Variants in RSF1 observed in about 807,000 individuals in gnomAD.
RSF1 encodes the protein HBV pX-associated protein 8.
In RSF1, 13 loss-of-function variants were observed where a neutral mutation model predicts 145.2. The observed-to-expected ratio is 0.09, with a 90% CI of 0.06 to 0.14. The LOEUF (loss-of-function observed/expected upper bound fraction) is 0.14. Among genes scored for constraint, RSF1 ranks in the 10% least tolerant of loss-of-function variants. The pLI is 1.00. For synonymous variants in RSF1, 577 were observed against 592.6 expected (o/e 0.97, Z 0.38); for missense variants, 1,517 against 1,718.2 (o/e 0.88, Z 2.07).
intron 5 of RSF1, among the ~76,000 whole-genome samples, chr11:77,712,708 T>C (rs1960716182): frequency 6.6e-6 from 1 of 152,260 alleles, no homozygotes; most frequent in African/African-American, 2.4e-5. Context: ...TACATCTACA[T>C]GTTTTAACTT....
chr11:77,670,810 C>G (rs911128826), intron 15 of RSF1, among the ~76,000 whole-genome samples: 2 of 151,672 alleles, frequency 1.3e-5, no homozygotes, highest in East Asian at 3.9e-4. Flanking sequence ...AAACAATCTT[C>G]AAAACAGGCC....
chr11:77,701,005 G>C lies in RSF1; in HGVS notation c.2224C>G (p.Arg742Gly). 6.2e-7 allele frequency: 1 copy of C among 1,613,428 alleles called. No individual in the cohort carries two copies. The highest frequency in any genetic ancestry group is 8.5e-7 in the Non-Finnish European group (1 of 1,179,990). Reference sequence around the variant, plus strand: ...GGGGGAGAATCGGGCTTCTTTTTCCGACTTGATATCCTGATTGTTAATTTG... The same window carrying C: ...GGGGGAGAATCGGGCTTCTTTTTCCCACTTGATATCCTGATTGTTAATTTG... ...GIKLTIRISS[R>G]KKKPDSPPKV... The change falls in exon 6 of 16, where the codon CGG becomes GGG. Residue 742 changes from arginine (R) to glycine (G), a missense_variant. By Grantham distance (125) the Arg-to-Gly change is moderately radical (BLOSUM62 -2). Transcript: ENST00000308488.
intron 6 of RSF1, among the ~76,000 whole-genome samples, chr11:77,699,243 C>T (rs960327231): frequency 2.0e-5 from 3 of 151,920 alleles, no homozygotes; most frequent in African/African-American, 7.3e-5. Flanking sequence ...TTTAAATAAG[C>T]CAGAACTGCA....
intron 7 of RSF1, among the ~76,000 whole-genome samples, chr11:77,695,909 G>C (rs528503169): frequency 6.6e-6 from 1 of 152,162 alleles, no homozygotes; most frequent in Admixed American, 6.5e-5. Context: ...GTTCATCATG[G>C]CTCCTATTAT....
In RSF1 at chr11:77,716,858, T is replaced by C. The variant is rs542849888; in HGVS notation, c.733+8687A>G. 2.0e-5 allele frequency among the ~76,000 whole-genome samples: 3 copies of C among 152,276 alleles called. No homozygotes were observed. In the East Asian group the frequency reaches 5.8e-4, roughly 29 times the overall value. ...AGTTTTAGACATTTCACCATAAATA[T>C]ATACAACTTTTCTTTGTCAATTAAA... On this transcript the variant is annotated intron_variant, in intron 5 of 15. Transcript: ENST00000308488.
chr11:77,748,516 G>A (rs1057487716), intron 2 of RSF1, among the ~76,000 whole-genome samples: 4 of 151,920 alleles, frequency 2.6e-5, no homozygotes, highest in African/African-American at 9.7e-5. Context: ...CTGGCTGACA[G>A]TGTTACGTTT....
chr11:77,713,950 G>A (rs1960747050), intron 5 of RSF1, among the ~76,000 whole-genome samples: 1 of 152,062 alleles, frequency 6.6e-6, no homozygotes, highest in Non-Finnish European at 1.5e-5. Flanking sequence ...CCTTTTAGTT[G>A]TCTGGTTTTA....
intron 4 of RSF1, among the ~76,000 whole-genome samples, chr11:77,727,413 A>G (rs1961080546): frequency 6.6e-6 from 1 of 151,970 alleles, no homozygotes; most frequent in Non-Finnish European, 1.5e-5. Flanking sequence ...AATTTTAAAA[A>G]GCTTCAAAAC....
intron 10 of RSF1, among the ~76,000 whole-genome samples, chr11:77,684,817 G>A (rs1346200639): frequency 6.6e-6 from 1 of 151,866 alleles, no homozygotes; most frequent in Non-Finnish European, 1.5e-5. Flanking sequence ...GTGAAACCCC[G>A]TCTGTACTAA....
chr11:77,830,417 C>T, the RSF1 span, among the ~76,000 whole-genome samples: 1 of 152,052 alleles, frequency 6.6e-6, no homozygotes, highest in Non-Finnish European at 1.5e-5. Flanking sequence ...AAATCTAGCG[C>T]CTATTGTTTG....
intron 1 of RSF1, among the ~76,000 whole-genome samples, chr11:77,774,267 G>A (rs1326691527): frequency 5.9e-5 from 9 of 152,182 alleles, no homozygotes; most frequent in Admixed American, 5.9e-4. Context: ...AACAGGGAGA[G>A]GGGGAGTAAG....
chr11:77,821,536 G>A (rs1265697852), upstream of RSF1, among the ~76,000 whole-genome samples: 1 of 152,156 alleles, frequency 6.6e-6, no homozygotes, highest in African/African-American at 2.4e-5. Context: ...GGAGTGAGGA[G>A]TTGGGGCCCT....
intron 1 of RSF1, among the ~76,000 whole-genome samples, chr11:77,805,307 A>G (rs1319904215): frequency 6.6e-6 from 1 of 152,026 alleles, no homozygotes; most frequent in Non-Finnish European, 1.5e-5. Flanking sequence ...TGTCTCTACT[A>G]AAATACAAAA....
At chr11:77,762,655 A>C (rs1162016716) in intron 2 of RSF1, 1 of 152,176 alleles carries the variant, frequency 6.6e-6, no homozygotes, top group African/African-American at 2.4e-5. Flanking sequence ...GCCAATGCTG[A>C]CTGATTTGTG....
chr11:77,715,475 T>A (rs569377644), intron 5 of RSF1, among the ~76,000 whole-genome samples: 1 of 152,138 alleles, frequency 6.6e-6, no homozygotes, highest in Non-Finnish European at 1.5e-5. Context: ...TGAGAGGGAG[T>A]TGCACTCTGT....
chr11:77,870,683 AT>A, the RSF1 span, among the ~76,000 whole-genome samples: 2 of 152,062 alleles, frequency 1.3e-5, no homozygotes, highest in South Asian at 4.1e-4. Flanking sequence ...ATTGTAAAAG[AT>A]TTAAAAATTC....
the RSF1 span, among the ~76,000 whole-genome samples, chr11:77,868,243 G>A: frequency 2.6e-5 from 4 of 151,172 alleles, no homozygotes; most frequent in African/African-American, 9.7e-5. Flanking sequence ...GTTTAGTGGA[G>A]ACGGGGTTTC....
At chr11:77,815,704 A>G (rs181538122) in intron 1 of RSF1, among the ~76,000 whole-genome samples, 264 of 152,324 alleles carry the variant, frequency 1.7e-3, no homozygotes, top group Non-Finnish European at 2.9e-3. Context: ...ATTTCTTACT[A>G]GATTAGAAAT....
At chr11:77,842,471 A>G in the RSF1 span, 120 of 1,607,318 alleles carry the variant, frequency 7.5e-5, 3 homozygotes, top group South Asian at 1.3e-3. Flanking sequence ...TTTTTCTTTT[A>G]ATTTCAGACT....
Sources: allele counts gnomAD v4.1 joint callset (sites outside exome capture counted in the v4.1 genomes callset), GRCh38; gene constraint gnomAD v4.1.1; transcripts MANE v1.5; gene names NCBI Gene and HGNC (gene_info 2026-07-23, HGNC 2026-07-21).